The following PLXNA2 variants were observed in gnomAD, a reference collection of about 807,000 sequenced individuals.
The protein encoded by PLXNA2 is plexin A2, also known as plexin-A2.
A neutral mutation model predicts 193.5 loss-of-function variants in PLXNA2; 91 were observed. That is an observed-to-expected ratio of 0.47 (90% confidence interval 0.40 to 0.56). The LOEUF (loss-of-function observed/expected upper bound fraction) is 0.56, where lower values mean the gene tolerates loss of function less well. Among genes scored for constraint, PLXNA2 ranks in the 20% least tolerant of loss-of-function variants. The pLI is 0.00. For missense variants in PLXNA2, 1,995 were observed against 2,503.2 expected (o/e 0.80, Z 4.33); for synonymous variants, 997 against 1,027.3 (o/e 0.97, Z 0.56).
In PLXNA2 at chr1:208,185,496, T is replaced by C. The variant is rs562319964; in HGVS notation, c.1371+24784A>G. 1.5e-4 allele frequency among the ~76,000 whole-genome samples: 23 copies of C among 152,090 alleles called. No homozygotes were observed. In the South Asian group the frequency reaches 4.6e-3, roughly 30 times the overall value. Reference sequence around the variant, plus strand: ...CCTACAATCCTTTTCCATGACACTATAGAAAATCAGCAGAGTCATCAGTTT... The same window carrying C: ...CCTACAATCCTTTTCCATGACACTACAGAAAATCAGCAGAGTCATCAGTTT... On this transcript the variant is annotated intron_variant, in intron 3 of 31. Coordinates refer to ENST00000367033, the MANE Select transcript of PLXNA2 (RefSeq NM_025179.4).
At position 208,186,812 on chromosome 1, in the gene PLXNA2, C is replaced by T. The variant is rs112423798; in HGVS notation, c.1371+23468G>A. On this transcript the variant is annotated intron_variant, in intron 3 of 31. Transcript: ENST00000367033. ...TCGGCTCACTGCAAGCTCCGCTTCC[C>T]GGGTTCACGCCATTCTCCTGCCTCA... 4.8e-3 allele frequency among the ~76,000 whole-genome samples: 727 copies of T among 150,868 alleles called. 8 individuals carry two copies. Among genetic ancestry groups the T allele is most frequent in the African/African-American group, 0.017 (697 of 40,856 alleles).
At chr1:208,200,419 T>C (rs1274230242) in intron 3 of PLXNA2, among the ~76,000 whole-genome samples, 1 of 152,154 alleles carries the variant, frequency 6.6e-6, no homozygotes, top group Non-Finnish European at 1.5e-5. Flanking sequence ...ACAAGTGACT[T>C]AGGTATATGC....
Position 208,044,294 on chromosome 1 carries a change from C to T in PLXNA2, c.3874+214G>A, listed in dbSNP as rs996503269. ...GGGCAAAGAAGGGACTAGAACAATG[C>T]AATTGGACCTGGGTCCTCATGCAGT... On this transcript the variant is annotated intron_variant, in intron 20 of 31. Transcript: ENST00000367033. The surrounding 1 kb of genome is among the most constrained non-coding windows in gnomAD (Gnocchi z 4.9). Among the ~76,000 whole-genome samples the T allele has an allele frequency of 6.6e-6, 1 of 152,188 alleles. No individual in the cohort carries two copies. Among genetic ancestry groups the T allele is most frequent in the Admixed American group, 6.5e-5 (1 of 15,274 alleles).
chr1:208,150,433 G>C (rs528412759), intron 3 of PLXNA2, among the ~76,000 whole-genome samples: 2 of 152,168 alleles, frequency 1.3e-5, no homozygotes, highest in Non-Finnish European at 2.9e-5. Context: ...CTTTCTCCTG[G>C]AATGTAGGGA....
At chr1:208,222,560 G>A (rs978588902) in intron 1 of PLXNA2, among the ~76,000 whole-genome samples, 1 of 152,188 alleles carries the variant, frequency 6.6e-6, no homozygotes, top group Non-Finnish European at 1.5e-5. Flanking sequence ...CAGGAGGCAG[G>A]TGTTAGTGAC....
intron 4 of PLXNA2, among the ~76,000 whole-genome samples, chr1:208,108,840 G>T (rs575404843): frequency 5.9e-5 from 9 of 152,314 alleles, no homozygotes; most frequent in Admixed American, 1.3e-4. Flanking sequence ...TCAGAGGACA[G>T]AGAGTGGCAG....
At chr1:208,166,741 A>C (rs1355725710) in intron 3 of PLXNA2, among the ~76,000 whole-genome samples, 1 of 152,240 alleles carries the variant, frequency 6.6e-6, no homozygotes, top group Non-Finnish European at 1.5e-5. Context: ...CATTGATGTA[A>C]GAATTAAAGG....
intron 4 of PLXNA2, among the ~76,000 whole-genome samples, chr1:208,137,801 G>T (rs1668347638): frequency 6.6e-6 from 1 of 152,190 alleles, no homozygotes; most frequent in Non-Finnish European, 1.5e-5. Context: ...GAGTGAAAGA[G>T]AATACATGAG....
chr1:208,029,116 C>T, intron 29 of PLXNA2, 74 bp from the exon 30 acceptor site: 1 of 1,580,840 alleles, frequency 6.3e-7, no homozygotes, highest in Non-Finnish European at 8.6e-7. Flanking sequence ...GATATTCTTC[C>T]CCATCAAAGG....
In PLXNA2 at chr1:208,068,732, G is replaced by A. The variant is rs74581856; in HGVS notation, c.2587-7895C>T. Among the ~76,000 whole-genome samples the A allele has an allele frequency of 4.5e-3, 685 of 152,350 alleles. 4 individuals carry two copies. The highest frequency in any genetic ancestry group is 9.2e-3 in the Admixed American group (141 of 15,298). On this transcript the variant is annotated intron_variant, in intron 12 of 31. Coordinates refer to ENST00000367033, the MANE Select transcript of PLXNA2 (RefSeq NM_025179.4). ...CTGGCCCTGGGCAAAACCCAGTGGA[G>A]GATAAACATTTGGTATCTTTCCCAT...
At chr1:208,039,845 G>A (rs755479289) in intron 23 of PLXNA2, 78 bp from the exon 24 acceptor site, 138 of 1,604,224 alleles carry the variant, frequency 8.6e-5, no homozygotes, top group Admixed American at 1.7e-4. Flanking sequence ...CTCTCGGAGC[G>A]AGGCCAGTGG....
intron 22 of PLXNA2, among the ~76,000 whole-genome samples, chr1:208,041,462 G>A (rs1664867160): frequency 6.6e-6 from 1 of 152,340 alleles, no homozygotes; most frequent in African/African-American, 2.4e-5. Flanking sequence ...CCAGGAAGCT[G>A]AGCTCAGAAG....
chr1:208,103,085 C>T, intron 5 of PLXNA2, 62 bp downstream of exon 5: 3 of 1,096,406 alleles, frequency 2.7e-6, no homozygotes, highest in Non-Finnish European at 4.2e-6. Flanking sequence ...CATATCCCAT[C>T]ATTCCCGGAA....
chr1:208,190,481 GTGGTTGACACA>G (rs1247226778), intron 3 of PLXNA2, among the ~76,000 whole-genome samples: 1 of 152,218 alleles, frequency 6.6e-6, no homozygotes, highest in Non-Finnish European at 1.5e-5. Flanking sequence ...GCTTAGCACA[GTGGTTGACACA>G]TGGTTGACGC....
chr1:208,060,567 A>G, intron 13 of PLXNA2, 119 bp downstream of exon 13: 1 of 1,051,802 alleles, frequency 9.5e-7, no homozygotes, highest in South Asian at 1.7e-5. Flanking sequence ...GGGCAGGTCC[A>G]TGGGAGGAGA....
intron 9 of PLXNA2, among the ~76,000 whole-genome samples, chr1:208,086,819 C>A (rs1666539001): frequency 6.7e-6 from 1 of 149,874 alleles, no homozygotes; most frequent in African/African-American, 2.5e-5. Flanking sequence ...ATGAGCACCA[C>A]TTTAGGGAAG....
chr1:208,031,381 C>G, intron 29 of PLXNA2: 1 of 1,403,004 alleles, frequency 7.1e-7, no homozygotes, highest in Non-Finnish European at 9.3e-7. Flanking sequence ...TGCTGTGCCT[C>G]AAGCCAGGCA....
At chr1:208,156,536 C>G (rs1346912241) in intron 3 of PLXNA2, among the ~76,000 whole-genome samples, 2 of 152,162 alleles carry the variant, frequency 1.3e-5, no homozygotes, top group Non-Finnish European at 2.9e-5. Context: ...CTGCCTTAGG[C>G]CACACAGCCA....
At chr1:208,123,574 G>A (rs1046742102) in intron 4 of PLXNA2, among the ~76,000 whole-genome samples, 7 of 152,168 alleles carry the variant, frequency 4.6e-5, no homozygotes, top group African/African-American at 1.4e-4. Flanking sequence ...TAGATTTAAT[G>A]TTAAGAGACA....
Sources: gnomAD v4.1 joint callset for allele counts (sites outside exome capture counted in the v4.1 genomes callset) on GRCh38, gnomAD v4.1.1 for gene constraint, Gnocchi (gnomAD v3.1) non-coding constraint, MANE v1.5 for transcripts, NCBI Gene and HGNC (gene_info 2026-07-23, HGNC 2026-07-21) for gene names.